NMNAT2: variants seen among roughly 807,000 people sequenced by gnomAD.
The protein encoded by NMNAT2 is nicotinamide/nicotinic acid mononucleotide adenylyltransferase 2.
A neutral mutation model predicts 41.6 loss-of-function variants in NMNAT2; 11 were observed. The observed-to-expected ratio is 0.26, with a 90% CI of 0.17 to 0.44. NMNAT2 has a LOEUF of 0.44. NMNAT2 is among the 20% of genes least tolerant of loss of function. The probability of loss-of-function intolerance (pLI) is 1.00; values close to 1 mark genes in which losing one functional copy is unlikely to be tolerated. For missense variants in NMNAT2, 288 were observed against 407.7 expected (o/e 0.71, Z 2.53); for synonymous variants, 148 against 151.2 (o/e 0.98, Z 0.16).
chr1:183,375,543 A>C (rs1663659559), intron 1 of NMNAT2, among the ~76,000 whole-genome samples: 1 of 152,166 alleles, frequency 6.6e-6, no homozygotes, highest in Non-Finnish European at 1.5e-5. Context: ...TCAAGTCTCA[A>C]CTCACTTTCT....
At chr1:183,323,549 C>T (rs529396682) in intron 1 of NMNAT2, among the ~76,000 whole-genome samples, 1 of 152,330 alleles carries the variant, frequency 6.6e-6, no homozygotes, top group Admixed American at 6.5e-5. Context: ...CCCTCATTAC[C>T]ATTGCATGGG....
At chr1:183,401,827 A>G (rs1648817745) in intron 1 of NMNAT2, among the ~76,000 whole-genome samples, 1 of 151,034 alleles carries the variant, frequency 6.6e-6, no homozygotes, top group African/African-American at 2.4e-5. Flanking sequence ...AGGAAACCAA[A>G]CACCACCTGT....
At chr1:183,315,523 T>G (rs1662227468) in intron 1 of NMNAT2, among the ~76,000 whole-genome samples, 1 of 151,988 alleles carries the variant, frequency 6.6e-6, no homozygotes, top group African/African-American at 2.4e-5. Flanking sequence ...CAAACTACTT[T>G]TAAAATATGA....
intron 1 of NMNAT2, among the ~76,000 whole-genome samples, chr1:183,380,523 C>T (rs975426350): frequency 2.0e-5 from 3 of 152,070 alleles, no homozygotes; most frequent in African/African-American, 7.2e-5. Context: ...TATCATGAGA[C>T]AGTCTGTGCT....
At chr1:183,298,093 A>C (rs1661751038) in intron 1 of NMNAT2, among the ~76,000 whole-genome samples, 1 of 152,232 alleles carries the variant, frequency 6.6e-6, no homozygotes, top group Non-Finnish European at 1.5e-5. Context: ...TGCAACTAAC[A>C]TCATACTTAG....
intron 5 of NMNAT2, among the ~76,000 whole-genome samples, chr1:183,285,377 C>A: frequency 6.6e-6 from 1 of 152,188 alleles, no homozygotes; most frequent in East Asian, 1.9e-4. Context: ...TGCTTGGAAC[C>A]ATTTCTGCTG....
chr1:183,341,748 C>CAAAAAAAAAAAAAAAAAAAAAAAA (rs369432128), intron 1 of NMNAT2, among the ~76,000 whole-genome samples: 3 of 79,794 alleles, frequency 3.8e-5, no homozygotes, highest in African/African-American at 8.8e-5. Context: ...AAAAAAAAAA[C>CAAAAAAAAAAAAAAAAAAAAAAAA]CTGTTTCCTT....
At chr1:183,389,444 CA>C (rs1648373470) in intron 1 of NMNAT2, among the ~76,000 whole-genome samples, 2 of 152,060 alleles carry the variant, frequency 1.3e-5, no homozygotes, top group Admixed American at 1.3e-4. Flanking sequence ...TTATCTCAGT[CA>C]AATTACATAA....
At chr1:183,386,104 G>GT (rs1276500552) in intron 1 of NMNAT2, among the ~76,000 whole-genome samples, 1 of 152,040 alleles carries the variant, frequency 6.6e-6, no homozygotes, top group Non-Finnish European at 1.5e-5. Flanking sequence ...GTTTGTTTTT[G>GT]TTTTTTTAAC....
At chr1:183,344,395 G>A (rs576622983) in intron 1 of NMNAT2, among the ~76,000 whole-genome samples, 32 of 152,116 alleles carry the variant, frequency 2.1e-4, no homozygotes, top group Admixed American at 6.6e-4. Flanking sequence ...ACTGCTTCCC[G>A]CTGTTCTACC....
chr1:183,264,114 G>A (rs919153091), intron 8 of NMNAT2, among the ~76,000 whole-genome samples: 16 of 152,280 alleles, frequency 1.1e-4, no homozygotes, highest in African/African-American at 3.4e-4. Context: ...AGATAACCTA[G>A]TATAGATTGC....
chr1:183,378,456 G>A (rs1663725646), intron 1 of NMNAT2, among the ~76,000 whole-genome samples: 1 of 151,674 alleles, frequency 6.6e-6, no homozygotes, highest in African/African-American at 2.4e-5. Flanking sequence ...TCGGGAGGCT[G>A]AGGCAGGAGA....
chr1:183,314,924 C>T (rs980683140), intron 1 of NMNAT2, among the ~76,000 whole-genome samples: 3 of 152,154 alleles, frequency 2.0e-5, no homozygotes, highest in Admixed American at 2.0e-4. Context: ...AACAAGCAAA[C>T]AAACCTAAGA....
chr1:183,418,157 T>C, intron 1 of NMNAT2, 26 bp downstream of exon 1: 1 of 1,605,782 alleles, frequency 6.2e-7, no homozygotes, highest in Non-Finnish European at 8.5e-7. Flanking sequence ...CGGAAGCGGC[T>C]TCCAGAGGTG....
chr1:183,331,808 G>A (rs977339913), intron 1 of NMNAT2, among the ~76,000 whole-genome samples: 1 of 152,114 alleles, frequency 6.6e-6, no homozygotes, highest in Admixed American at 6.5e-5. Context: ...TATTTTTTGA[G>A]ACGGAGTCTC....
At chr1:183,257,419 C>A (rs529120674) in intron 10 of NMNAT2, among the ~76,000 whole-genome samples, 1 of 152,016 alleles carries the variant, frequency 6.6e-6, no homozygotes, top group Non-Finnish European at 1.5e-5. Context: ...CCAGCCTGGG[C>A]GACAGAGTGA....
chr1:183,360,424 C>T (rs1268674161), intron 1 of NMNAT2, among the ~76,000 whole-genome samples: 1 of 152,044 alleles, frequency 6.6e-6, no homozygotes, highest in Non-Finnish European at 1.5e-5. Context: ...CATCTTCCTC[C>T]TTCTATTTAG....
chr1:183,365,082 C>T (rs188454902), intron 1 of NMNAT2, among the ~76,000 whole-genome samples: 2 of 152,104 alleles, frequency 1.3e-5, no homozygotes, highest in Non-Finnish European at 2.9e-5. Context: ...TCTGAAGATT[C>T]CTTATAGTTC....
intron 1 of NMNAT2, among the ~76,000 whole-genome samples, chr1:183,328,254 C>G (rs1255954895): frequency 6.6e-6 from 1 of 152,198 alleles, no homozygotes; most frequent in African/African-American, 2.4e-5. Flanking sequence ...TCCTCCCCAC[C>G]CATCTGCTCT....
Sources: gnomAD v4.1 joint callset for allele counts (sites outside exome capture counted in the v4.1 genomes callset) on GRCh38, gnomAD v4.1.1 for gene constraint, MANE v1.5 for transcripts, NCBI Gene and HGNC (gene_info 2026-07-23, HGNC 2026-07-21) for gene names.